DSTN: variants seen among roughly 807,000 people sequenced by gnomAD.
DSTN encodes destrin.
Under a neutral mutation model 16.8 loss-of-function variants are expected in DSTN, and 10 were observed. The ratio of observed to expected loss-of-function variants is 0.60; its 90% CI spans 0.37 to 1.01. The LOEUF is 1.01. Among genes scored for constraint, DSTN ranks in the 50% least tolerant of loss-of-function variants. DSTN has a pLI of 0.01. For synonymous variants in DSTN, 57 were observed against 58.9 expected, an observed-to-expected ratio of 0.97 and a Z score of 0.14; for missense variants, 141 against 196.7, an observed-to-expected ratio of 0.72 and a Z score of 1.69.
intron 1 of DSTN, among the ~76,000 whole-genome samples, chr20:17,593,320 T>C (rs963179114): frequency 1.3e-5 from 2 of 152,230 alleles, no homozygotes; most frequent in Non-Finnish European, 2.9e-5. Flanking sequence ...TTGTATGTGC[T>C]GTCCTTATCT....
chr20:17,589,020 A>ATGGC (rs1384265236), intron 1 of DSTN, among the ~76,000 whole-genome samples: 1 of 152,134 alleles, frequency 6.6e-6, no homozygotes, highest in Non-Finnish European at 1.5e-5. Context: ...TGGCAGCAGG[A>ATGGC]TGGCGTTCAG....
chr20:17,577,130 G>T (rs1214389345), intron 1 of DSTN, among the ~76,000 whole-genome samples: 1 of 152,170 alleles, frequency 6.6e-6, no homozygotes, highest in Non-Finnish European at 1.5e-5. Flanking sequence ...TTTGTGTTTG[G>T]ACTTGGGTCC....
chr20:17,588,068 C>T (rs1222450082), intron 1 of DSTN, among the ~76,000 whole-genome samples: 1 of 151,768 alleles, frequency 6.6e-6, no homozygotes, highest in Non-Finnish European at 1.5e-5. Flanking sequence ...ATGACCATAC[C>T]CTCCTTCTTT....
At chr20:17,588,519 C>G (rs1421773427) in intron 1 of DSTN, among the ~76,000 whole-genome samples, 2 of 152,208 alleles carry the variant, frequency 1.3e-5, no homozygotes, top group Non-Finnish European at 2.9e-5. Context: ...CGGTTGCTCA[C>G]GCCTGTAATC....
chr20:17,589,149 AT>A (rs1475402466), intron 1 of DSTN, among the ~76,000 whole-genome samples: 1 of 150,134 alleles, frequency 6.7e-6, no homozygotes, highest in Non-Finnish European at 1.5e-5. Context: ...TTTTAATCCC[AT>A]TTTTATACTT....
intron 1 of DSTN, among the ~76,000 whole-genome samples, chr20:17,597,201 T>G (rs1310310268): frequency 6.6e-6 from 1 of 152,176 alleles, no homozygotes; most frequent in Non-Finnish European, 1.5e-5. Context: ...TTAAGAAAAG[T>G]GCTTTTTAAA....
At chr20:17,594,506 G>T (rs1228460521) in intron 1 of DSTN, among the ~76,000 whole-genome samples, 5 of 152,092 alleles carry the variant, frequency 3.3e-5, no homozygotes, top group African/African-American at 9.7e-5. Context: ...TGTATTTAAA[G>T]ATCACTTTTA....
At chr20:17,591,393 T>G (rs1357747202) in intron 1 of DSTN, among the ~76,000 whole-genome samples, 1 of 152,118 alleles carries the variant, frequency 6.6e-6, no homozygotes, top group Non-Finnish European at 1.5e-5. Flanking sequence ...GAAACACTAT[T>G]TCCAGAAAGG....
At chr20:17,595,404 G>C (rs376560275) in intron 1 of DSTN, among the ~76,000 whole-genome samples, 1 of 151,956 alleles carries the variant, frequency 6.6e-6, no homozygotes, top group African/African-American at 2.4e-5. Flanking sequence ...CTTCCTCCCT[G>C]TTTCAGAGAA....
At chr20:17,580,950 T>G (rs908564539) in intron 1 of DSTN, among the ~76,000 whole-genome samples, 1 of 152,058 alleles carries the variant, frequency 6.6e-6, no homozygotes, top group Non-Finnish European at 1.5e-5. Flanking sequence ...AAAAGGCTTG[T>G]GTGGTTAGCA....
Position 17,604,628 on chromosome 20 carries a change from C to T in DSTN, c.385C>T (p.Gln129Ter). 1 of 1,613,012 alleles carries T rather than the reference C, an allele frequency of 6.2e-7. No individual in the cohort carries two copies. Among genetic ancestry groups the T allele is most frequent in the Non-Finnish European group, 8.5e-7 (1 of 1,179,702 alleles). The change falls in exon 3 of 4, where the codon CAA (glutamine) becomes TAA (stop). Residue 129 changes from glutamine to a stop codon, truncating the protein, a stop_gained. Transcript: ENST00000246069. LOFTEE classifies it high-confidence loss of function. ...SSKDAIKKKF[Q>*]GIKHECQANG... is the part of the protein sequence containing the mutation. Reference sequence around the variant, plus strand: ...CAAGGATGCAATTAAAAAGAAATTTCAAGGTATGTTCTAGATGACCTCTGA... The same window carrying T: ...CAAGGATGCAATTAAAAAGAAATTTTAAGGTATGTTCTAGATGACCTCTGA...
In DSTN at chr20:17,570,101, G is replaced by T. The variant is rs771893936; in HGVS notation, c.-108G>T. 11 of 1,471,654 alleles carry T rather than the reference G, an allele frequency of 7.5e-6. No homozygotes were observed. The highest frequency in any genetic ancestry group is 9.9e-6 in the Non-Finnish European group (11 of 1,112,902). 91.2% of individuals were successfully genotyped at this position (1,471,654 alleles called of 1,614,324 possible). A position where few individuals can be genotyped will look rare whatever the true frequency, so the allele number is the denominator to read the frequency against. On this transcript the variant is annotated 5_prime_UTR_variant, in exon 1 of 4. Coordinates refer to ENST00000246069, the MANE Select transcript of DSTN (RefSeq NM_006870.4). Reference sequence around the variant, plus strand: ...CCCCGGGGTAAGCTCGCGCCGCCGCGTCAGCTCAGCGCTGGGTCTCTCGGT... The same window carrying T: ...CCCCGGGGTAAGCTCGCGCCGCCGCTTCAGCTCAGCGCTGGGTCTCTCGGT...
rs932771017 is a variant in DSTN at position 17,588,290 on chromosome 20, T to C, written c.4-12448T>C. Among the ~76,000 whole-genome samples, 4 of 152,338 alleles carry C rather than the reference T, an allele frequency of 2.6e-5. No individual in the cohort carries two copies. In the East Asian group the frequency reaches 7.7e-4, roughly 29 times the overall value. ...GTCCTGGAATCCCCTGTTTGAGTTATCCCACCTTTCCAGACTTAACCAATG... is the reference window on the plus strand; with the variant it reads ...GTCCTGGAATCCCCTGTTTGAGTTACCCCACCTTTCCAGACTTAACCAATG... On this transcript the variant is annotated intron_variant, in intron 1 of 3. Coordinates refer to ENST00000246069, the MANE Select transcript of DSTN (RefSeq NM_006870.4).
At chr20:17,578,410 G>A (rs566468329) in intron 1 of DSTN, among the ~76,000 whole-genome samples, 3 of 152,060 alleles carry the variant, frequency 2.0e-5, no homozygotes, top group South Asian at 4.1e-4. Flanking sequence ...TGGAAATTGG[G>A]TTTTAAGTAT....
At chr20:17,603,805 G>A (rs746740276) in intron 2 of DSTN, among the ~76,000 whole-genome samples, 2 of 152,190 alleles carry the variant, frequency 1.3e-5, no homozygotes, top group Non-Finnish European at 2.9e-5. Context: ...TTAGAATCAT[G>A]AGATTATACA....
In DSTN at chr20:17,607,417, C is replaced by G; in HGVS notation, c.*271C>G. 2.9e-6 allele frequency: 1 copy of G among 341,670 alleles called. No individual in the cohort carries two copies. Among genetic ancestry groups the G allele is most frequent in the Non-Finnish European group, 5.3e-6 (1 of 189,466 alleles). The allele number at this position is 341,670 out of a possible 1,614,324, so 21.2% of individuals were successfully genotyped here. ...TTGTTAAGCTCAGGATTTTAAATTA[C>G]ACAGTTCACAAACAGTAAAGGCCAT... On this transcript the variant is annotated 3_prime_UTR_variant, in exon 4 of 4. Transcript: ENST00000246069.
At position 17,607,328 on chromosome 20, in the gene DSTN, T is replaced by A. The variant is rs919206358; in HGVS notation, c.*182T>A. 1 of 480,930 alleles carries A rather than the reference T, an allele frequency of 2.1e-6. No homozygotes were observed. Among genetic ancestry groups the A allele is most frequent in the Non-Finnish European group, 3.6e-6 (1 of 280,530 alleles). The allele number at this position is 480,930 out of a possible 1,614,324, so 29.8% of individuals were successfully genotyped here. A position where few individuals can be genotyped will look rare whatever the true frequency, so the allele number is the denominator to read the frequency against. On this transcript the variant is annotated 3_prime_UTR_variant, in exon 4 of 4. Coordinates refer to ENST00000246069, the MANE Select transcript of DSTN (RefSeq NM_006870.4). The stretch of plus-strand genomic sequence containing the variant: ...AATAAATCTAAAGTCTAAAGTTTTA[T>A]TGATGTGAAATTAAATTCTTATTGG...
At position 17,608,334 on chromosome 20, in the gene DSTN, T is replaced by TA. The variant is rs2122217192; in HGVS notation, c.*1190dup. 1 of 152,220 alleles carries TA rather than the reference T, an allele frequency of 6.6e-6. No homozygotes were observed. Among genetic ancestry groups the TA allele is most frequent in the African/African-American group, 2.4e-5 (1 of 41,530 alleles). 9.4% of individuals were successfully genotyped at this position (152,220 alleles called of 1,614,324 possible). A position where few individuals can be genotyped will look rare whatever the true frequency, so the allele number is the denominator to read the frequency against. The stretch of plus-strand genomic sequence containing the variant: ...TTGAGGTTTGGGTATTTCCAATAAT[T>TA]AAGAGTTAAGGTTGGCTGAGTGTGG... On this transcript the variant is annotated 3_prime_UTR_variant, in exon 4 of 4. Coordinates refer to ENST00000246069, the MANE Select transcript of DSTN (RefSeq NM_006870.4).
At chr20:17,600,090 T>C (rs2035570298) in intron 1 of DSTN, among the ~76,000 whole-genome samples, 1 of 152,220 alleles carries the variant, frequency 6.6e-6, no homozygotes, top group Non-Finnish European at 1.5e-5. Flanking sequence ...AAAGGTAATT[T>C]TTCTGGTCAG....
Sources: gnomAD v4.1 joint callset for allele counts (sites outside exome capture counted in the v4.1 genomes callset) on GRCh38, gnomAD v4.1.1 for gene constraint, MANE v1.5 for transcripts, NCBI Gene and HGNC (gene_info 2026-07-23, HGNC 2026-07-21) for gene names.